SOX6: variants seen among roughly 807,000 people sequenced by gnomAD.
SOX6 encodes the protein transcription factor SOX-6.
In SOX6, 11 loss-of-function variants were observed where a neutral mutation model predicts 97.8. The observed-to-expected ratio is 0.11, with a 90% CI of 0.07 to 0.19. The LOEUF is 0.19. SOX6 is among the 10% of genes least tolerant of loss of function. The pLI, the probability that SOX6 is intolerant of heterozygous loss-of-function variation, is 1.00. For missense variants in SOX6, 810 were observed against 1,039.5 expected (o/e 0.78, Z 3.04); for synonymous variants, 360 against 371.4 (o/e 0.97, Z 0.35).
At chr11:16,402,771 A>G (rs1590189236) in intron 1 of SOX6, 2 of 1,605,944 alleles carry the variant, frequency 1.2e-6, no homozygotes, top group Non-Finnish European at 1.7e-6. Context: ...GAAAAAAAAC[A>G]ATCTACTATT....
rs1181958480 is a variant in SOX6 at position 16,638,155 on chromosome 11, G to A, written n.430-25895C>T. On this transcript the variant is annotated intron_variant and non_coding_transcript_variant, in intron 3 of 5. Coordinates refer to the SOX6 transcript ENST00000524520. ...CCACCTATAACTGAGAACATGCGGTGTTTGGTTTTTTGTCCTTGCGATAGT... is the reference window on the plus strand; with the variant it reads ...CCACCTATAACTGAGAACATGCGGTATTTGGTTTTTTGTCCTTGCGATAGT... Among the ~76,000 whole-genome samples the A allele has an allele frequency of 8.7e-5, 13 of 149,756 alleles. 1 individual carries two copies. In the South Asian group the frequency reaches 2.7e-3, roughly 32 times the overall value.
chr11:16,320,883 G>T (rs1855900756), intron 2 of SOX6, among the ~76,000 whole-genome samples: 1 of 152,058 alleles, frequency 6.6e-6, no homozygotes, highest in Non-Finnish European at 1.5e-5. Flanking sequence ...TATTTATGCT[G>T]AAATAAACAG....
At chr11:16,051,408 A>G (rs573049566) in intron 10 of SOX6, among the ~76,000 whole-genome samples, 2 of 152,274 alleles carry the variant, frequency 1.3e-5, no homozygotes, top group Admixed American at 1.3e-4. Context: ...ACTACCAGAG[A>G]AAATAAGTCT....
chr11:16,474,978 CTG>C (rs1860207139), intron 1 of SOX6, among the ~76,000 whole-genome samples: 1 of 152,234 alleles, frequency 6.6e-6, no homozygotes, highest in African/African-American at 2.4e-5. Context: ...TCAGCACTGG[CTG>C]TGTCACCTTC....
In SOX6 at chr11:16,551,404, T is replaced by C. The variant is rs117771464; in HGVS notation, n.609+60677A>G. The stretch of plus-strand genomic sequence containing the variant: ...AGACGCTAAATTAAACCCAACCATA[T>C]AGATAATTACATTAAATAAAAAGAG... On this transcript the variant is annotated intron_variant and non_coding_transcript_variant, in intron 4 of 5. Transcript: ENST00000524520. 6.6e-3 allele frequency among the ~76,000 whole-genome samples: 1,000 copies of C among 152,014 alleles called. 5 individuals are homozygous for C. The highest frequency in any genetic ancestry group is 0.017 in the Middle Eastern group (5 of 294).
intron 3 of SOX6, among the ~76,000 whole-genome samples, chr11:16,248,696 C>T (rs1449511644): frequency 6.6e-6 from 1 of 152,204 alleles, no homozygotes; most frequent in South Asian, 2.1e-4. Context: ...TGGGCCTGGC[C>T]CACAGAACCA....
intron 13 of SOX6, among the ~76,000 whole-genome samples, chr11:15,990,856 T>C (rs118164785): frequency 0.031 from 4,700 of 152,320 alleles, 106 homozygotes; most frequent in Non-Finnish European, 0.05. Flanking sequence ...GAAGTTATTA[T>C]ACAGGACCAA....
chr11:16,498,605 T>G (rs529541435), intron 4 of SOX6, among the ~76,000 whole-genome samples: 12 of 152,126 alleles, frequency 7.9e-5, no homozygotes, highest in Admixed American at 7.9e-4. Flanking sequence ...AATAAAGGGA[T>G]GGAGGAAGAT....
chr11:16,645,156 T>G (rs771939679), intron 3 of SOX6, among the ~76,000 whole-genome samples: 39 of 152,224 alleles, frequency 2.6e-4, no homozygotes, highest in Non-Finnish European at 2.4e-4. Context: ...GTTTTCCTTT[T>G]CATCCCAGCT....
chr11:16,080,655 GAAGATATGCTGTCTTTCAGGACATCA>G (rs1277747959), intron 9 of SOX6, among the ~76,000 whole-genome samples: 1 of 152,162 alleles, frequency 6.6e-6, no homozygotes, highest in African/African-American at 2.4e-5. Context: ...CAAAGATGAA[GAAGATATGCTGTCTTTCAGGACATCA>G]AAGATATGCT....
intron 6 of SOX6, among the ~76,000 whole-genome samples, chr11:16,180,726 A>G (rs765935389): frequency 6.6e-6 from 1 of 151,794 alleles, no homozygotes; most frequent in Non-Finnish European, 1.5e-5. Flanking sequence ...AAAATCATAC[A>G]TCTTACTTTT....
Position 16,217,160 on chromosome 11 carries a change from C to T in SOX6, c.535+17422G>A, listed in dbSNP as rs79987157. 6.4e-3 allele frequency among the ~76,000 whole-genome samples: 969 copies of T among 152,198 alleles called. 14 individuals carry two copies. Among genetic ancestry groups the T allele is most frequent in the African/African-American group, 0.022 (905 of 41,538 alleles). On this transcript the variant is annotated intron_variant, in intron 4 of 15. Coordinates refer to ENST00000683767, the MANE Select transcript of SOX6 (RefSeq NM_001367873.1). ...TTCTATTTATGCTCCCTTGATGTTA[C>T]GGACATAAACTTCAGGGTCTCAGTA... is the stretch of plus-strand genomic sequence containing the variant.
intron 4 of SOX6, among the ~76,000 whole-genome samples, chr11:16,608,514 G>A (rs148411691): frequency 7.3e-5 from 11 of 150,534 alleles, no homozygotes; most frequent in African/African-American, 2.4e-4. Context: ...GATGAAGGAA[G>A]CAGAGATGAT....
At chr11:16,448,536 T>A (rs1859655209) in intron 1 of SOX6, among the ~76,000 whole-genome samples, 1 of 152,204 alleles carries the variant, frequency 6.6e-6, no homozygotes, top group African/African-American at 2.4e-5. Context: ...CAAAATGATA[T>A]GACCAGATAA....
chr11:16,614,237 G>C (rs1848440236), intron 3 of SOX6, among the ~76,000 whole-genome samples: 2 of 152,126 alleles, frequency 1.3e-5, no homozygotes, highest in Non-Finnish European at 2.9e-5. Context: ...GCTCCCTTCT[G>C]CGGTGACCTC....
In SOX6 at chr11:16,400,426, T is replaced by G. The variant is rs1201625004; in HGVS notation, c.-4-59174A>C. Among the ~76,000 whole-genome samples the G allele has an allele frequency of 4.0e-5, 6 of 151,580 alleles. No individual in the cohort carries two copies. In the East Asian group the frequency reaches 9.7e-4, roughly 25 times the overall value. On this transcript the variant is annotated intron_variant, in intron 1 of 15. Transcript: ENST00000396356. ...TCATGGGAGTTATTTTTCACCCATG[T>G]TAACATTTTTACCACTTTAATAATA...
At chr11:16,092,398 C>A (rs767149444) in intron 9 of SOX6, among the ~76,000 whole-genome samples, 20 of 151,982 alleles carry the variant, frequency 1.3e-4, no homozygotes, top group Non-Finnish European at 8.8e-5. Flanking sequence ...GTCTACCCAA[C>A]ATTAAGACTG....
chr11:16,066,175 C>G (rs145757192), intron 9 of SOX6, among the ~76,000 whole-genome samples: 630 of 152,268 alleles, frequency 4.1e-3, no homozygotes, highest in Middle Eastern at 0.031. Flanking sequence ...CTCAACATCA[C>G]TAGTCAGAGA....
upstream of SOX6, among the ~76,000 whole-genome samples, chr11:16,480,262 C>T (rs973201841): frequency 3.3e-5 from 5 of 152,126 alleles, no homozygotes; most frequent in Non-Finnish European, 4.4e-5. Context: ...TTTTTTTATA[C>T]TTAGCATGTC....
Sources: allele counts gnomAD v4.1 joint callset (sites outside exome capture counted in the v4.1 genomes callset), GRCh38; gene constraint gnomAD v4.1.1; transcripts MANE v1.5; gene names NCBI Gene and HGNC (gene_info 2026-07-23, HGNC 2026-07-21).